The following ARL17A variants were observed in gnomAD, a reference collection of about 807,000 sequenced individuals.
The protein encoded by ARL17A is ADP-ribosylation factor-like 17-like.
At chr17:46,511,187 T>TA in the ARL17A span, among the ~76,000 whole-genome samples, 6 of 126,654 alleles carry the variant, frequency 4.7e-5, no homozygotes, top group Admixed American at 1.6e-4. Context: ...GAATTTTTTT[T>TA]AAAAAAAGGA....
At chr17:46,543,494 T>C (rs1009256869) in intron 3 of ARL17A, among the ~76,000 whole-genome samples, 7 of 150,930 alleles carry the variant, frequency 4.6e-5, no homozygotes, top group African/African-American at 1.7e-4. Flanking sequence ...AAAATGTGTA[T>C]ACGGACCGCA....
At chr17:46,525,568 C>G (rs1486427403), downstream of ARL17A, among the ~76,000 whole-genome samples, 4 of 106,192 alleles carry the variant, frequency 3.8e-5, no homozygotes, top group African/African-American at 1.4e-4. Context: ...GCCTGAGGGA[C>G]AGAGTGAGAC....
At chr17:46,535,018 G>A (rs1271454715) in intron 4 of ARL17A, among the ~76,000 whole-genome samples, 18 of 150,002 alleles carry the variant, frequency 1.2e-4, no homozygotes, top group Admixed American at 6.6e-4. Context: ...GGTCGCGGCC[G>A]GGCAGAGGCG....
chr17:46,550,941 G>A (rs865918899), downstream of ARL17A, among the ~76,000 whole-genome samples: 11 of 148,936 alleles, frequency 7.4e-5, no homozygotes, highest in East Asian at 1.4e-3. Context: ...AAAGACATAC[G>A]TATTGTCTTG....
At chr17:46,550,712 G>A (rs576109821), downstream of ARL17A, among the ~76,000 whole-genome samples, 10 of 138,074 alleles carry the variant, frequency 7.2e-5, no homozygotes, top group African/African-American at 1.8e-4. Context: ...AAGGATCCTC[G>A]CTTTCAGATC....
intron 3 of ARL17A, among the ~76,000 whole-genome samples, chr17:46,541,596 G>T (rs978025482): frequency 6.6e-5 from 10 of 150,888 alleles, no homozygotes; most frequent in African/African-American, 2.5e-4. Context: ...CATCCATGTT[G>T]TTGCACCTAT....
the ARL17A span, among the ~76,000 whole-genome samples, chr17:46,511,193 AAGG>A: frequency 3.9e-5 from 5 of 127,582 alleles, no homozygotes; most frequent in African/African-American, 1.1e-4. Flanking sequence ...TTTTTAAAAA[AAGG>A]AGCAAAAGTA....
Position 46,521,127 on chromosome 17 carries a change from G to A in ARL17A, c.260-3894C>T, listed in dbSNP as rs2052223401. Among the ~76,000 whole-genome samples the A allele has an allele frequency of 4.0e-5, 3 of 74,542 alleles. 1 individual carries two copies. The highest frequency in any genetic ancestry group is 7.1e-5 in the Non-Finnish European group (2 of 28,158). The allele number at this position is 74,542 out of a possible 152,430, so 48.9% of individuals were successfully genotyped here. On this transcript the variant is annotated intron_variant, in intron 3 of 4. Transcript: ENST00000445552. ...CTTCACTAATTACAAAATAACGATC[G>A]CCCCAGCCCTGTTACCAAGAAAGGG...
downstream of ARL17A, among the ~76,000 whole-genome samples, chr17:46,526,489 C>T (rs1171351449): frequency 4.8e-5 from 5 of 104,276 alleles, 2 homozygotes; most frequent in Non-Finnish European, 8.3e-5. Context: ...GTGGGAGGGC[C>T]CCTGGAAATT....
intron 3 of ARL17A, chr17:46,517,571 T>A (rs2051568784): frequency 5.1e-6 from 1 of 194,272 alleles, no homozygotes; most frequent in Non-Finnish European, 1.0e-5. Flanking sequence ...TGATTGCAAT[T>A]GTATGGTTAT....
intron 3 of ARL17A, among the ~76,000 whole-genome samples, chr17:46,568,761 T>C (rs1442138522): frequency 1.1e-5 from 1 of 86,966 alleles, no homozygotes; most frequent in Admixed American, 1.4e-4. Flanking sequence ...GCCAAGATTG[T>C]GCCACTGCAC....
chr17:46,532,027 G>A (rs1273565322), intron 4 of ARL17A, among the ~76,000 whole-genome samples: 1 of 149,698 alleles, frequency 6.7e-6, no homozygotes, highest in African/African-American at 2.5e-5. Flanking sequence ...TTTGCACATA[G>A]ATGTTCAGGT....
In ARL17A at chr17:46,532,951, A is replaced by C. The variant is rs1368235968; in HGVS notation, c.336-4092T>G. On this transcript the variant is annotated intron_variant, in intron 4 of 4. Transcript: ENST00000329240. ...GCTTATCTCTACAAAAAAAATGTAA[A>C]AGTTAGCTGAACGTGGTGGCACATG... Among the ~76,000 whole-genome samples, 5 of 124,602 alleles carry C rather than the reference A, an allele frequency of 4.0e-5. No individual in the cohort carries two copies. The East Asian group carries it at 1.2e-3, about 29-fold the overall frequency. 81.7% of individuals were successfully genotyped at this position (124,602 alleles called of 152,430 possible).
At chr17:46,533,568 C>T (rs1202509705) in intron 4 of ARL17A, among the ~76,000 whole-genome samples, 1 of 125,328 alleles carries the variant, frequency 8.0e-6, no homozygotes, top group Admixed American at 7.7e-5. Context: ...GTGGCACAAT[C>T]TTTACTCGCC....
intron 3 of ARL17A, among the ~76,000 whole-genome samples, chr17:46,569,215 T>C (rs1382403262): frequency 4.0e-5 from 6 of 151,726 alleles, no homozygotes; most frequent in Non-Finnish European, 8.8e-5. Context: ...CCCAAAGTGC[T>C]GGGATTACAG....
At chr17:46,532,766 C>G (rs1250712859) in intron 4 of ARL17A, among the ~76,000 whole-genome samples, 2 of 147,530 alleles carry the variant, frequency 1.4e-5, no homozygotes, top group South Asian at 4.3e-4. Flanking sequence ...TCTCTAAGAA[C>G]AATAGTAATG....
the ARL17A span, among the ~76,000 whole-genome samples, chr17:46,501,016 C>T: frequency 6.6e-6 from 1 of 151,150 alleles, no homozygotes; most frequent in Non-Finnish European, 1.5e-5. Flanking sequence ...CCCGTCTCTA[C>T]TAAAAATACA....
In ARL17A at chr17:46,540,074, C is replaced by CT. The variant is rs2055038603; in HGVS notation, c.260-1649dup. On this transcript the variant is annotated intron_variant, in intron 3 of 4. Coordinates refer to the ARL17A transcript ENST00000329240. ...AGGTAAAGACAGGAAACATTTTTTTCTTTTTTACCTACAAGTTCCATATCA... is the reference window on the plus strand; with the variant it reads ...AGGTAAAGACAGGAAACATTTTTTTCTTTTTTTACCTACAAGTTCCATATCA... 24 of 1,311,616 alleles carry CT rather than the reference C, an allele frequency of 1.8e-5. No individual in the cohort carries two copies. In the South Asian group the frequency reaches 2.8e-4, roughly 15 times the overall value. 81.2% of individuals were successfully genotyped at this position (1,311,616 alleles called of 1,614,324 possible).
At chr17:46,550,869 A>T (rs2056719262), downstream of ARL17A, among the ~76,000 whole-genome samples, 1 of 145,130 alleles carries the variant, frequency 6.9e-6, no homozygotes, top group Non-Finnish European at 1.5e-5. Context: ...TGAAATGATG[A>T]GAGAGGTATA....
Sources: allele counts gnomAD v4.1 joint callset (sites outside exome capture counted in the v4.1 genomes callset), GRCh38; gene constraint gnomAD v4.1.1; transcripts MANE v1.5; gene names NCBI Gene and HGNC (gene_info 2026-07-23, HGNC 2026-07-21).